The following LMBR1 variants were observed in gnomAD, a reference collection of about 807,000 sequenced individuals.
The protein encoded by LMBR1 is limb region 1 protein homolog.
In LMBR1, 52 loss-of-function variants were observed where a neutral mutation model predicts 73.9. The ratio of observed to expected loss-of-function variants is 0.70; its 90% CI spans 0.56 to 0.89. The LOEUF (loss-of-function observed/expected upper bound fraction) is 0.89. LMBR1 is among the 40% of genes least tolerant of loss of function. LMBR1 has a pLI of 0.00. For synonymous variants in LMBR1, 215 were observed against 209.4 expected (o/e 1.03, Z -0.23); for missense variants, 539 against 579.8 (o/e 0.93, Z 0.72).
intron 9 of LMBR1, chr7:156,736,667 C>T: frequency 4.4e-6 from 2 of 449,480 alleles, no homozygotes; most frequent in South Asian, 3.2e-5. Context: ...TTCACTCCTC[C>T]CTTTCTCTCA....
intron 8 of LMBR1, among the ~76,000 whole-genome samples, chr7:156,757,514 T>C (rs950444660): frequency 6.6e-6 from 1 of 152,240 alleles, no homozygotes; most frequent in African/African-American, 2.4e-5. Flanking sequence ...AATCCTAAAA[T>C]TGATTTAATT....
intron 2 of LMBR1, chr7:156,834,501 G>A: frequency 3.4e-6 from 1 of 295,170 alleles, no homozygotes; most frequent in Non-Finnish European, 6.8e-6. Flanking sequence ...TACTCAGGAG[G>A]CTGAGGTTGG....
intron 5 of LMBR1, among the ~76,000 whole-genome samples, chr7:156,781,818 T>G (rs1170194430): frequency 6.6e-6 from 1 of 152,192 alleles, no homozygotes; most frequent in Non-Finnish European, 1.5e-5. Context: ...TTTTTAAAAT[T>G]GTGGTGAAAT....
At chr7:156,719,896 A>G (rs1448691655) in intron 15 of LMBR1, among the ~76,000 whole-genome samples, 2 of 151,810 alleles carry the variant, frequency 1.3e-5, no homozygotes, top group Non-Finnish European at 1.5e-5. Flanking sequence ...AAAACTGGCT[A>G]GCCATATGTA....
chr7:156,795,229 T>C (rs1312040728), intron 5 of LMBR1, among the ~76,000 whole-genome samples: 3 of 152,184 alleles, frequency 2.0e-5, no homozygotes, highest in African/African-American at 4.8e-5. Context: ...CCTGCTCAGA[T>C]TCCCCAGGAA....
intron 1 of LMBR1, among the ~76,000 whole-genome samples, chr7:156,869,309 T>C (rs1400277262): frequency 6.6e-6 from 1 of 151,348 alleles, no homozygotes; most frequent in Non-Finnish European, 1.5e-5. Flanking sequence ...ACTACAGACG[T>C]GAAGAAGAAA....
chr7:156,744,139 C>A lies in LMBR1; in HGVS notation c.758-9882G>T, dbSNP rs114663012. On this transcript the variant is annotated intron_variant, in intron 9 of 16. Coordinates refer to ENST00000353442, the MANE Select transcript of LMBR1 (RefSeq NM_022458.4). ...CCCAGGCTGGACTCGAACTTCTGGG[C>A]TCGAGCGTATACTCCCACCTCCCGA... is the stretch of plus-strand genomic sequence containing the variant. 9.9e-4 allele frequency among the ~76,000 whole-genome samples: 151 copies of A among 152,212 alleles called. 1 individual carries two copies. Among genetic ancestry groups the A allele is most frequent in the Middle Eastern group, 3.4e-3 (1 of 294 alleles).
chr7:156,675,880 G>A (rs998742278), downstream of LMBR1: 17 of 1,608,178 alleles, frequency 1.1e-5, no homozygotes, highest in Non-Finnish European at 1.4e-5. Flanking sequence ...TTGGCTGGCA[G>A]CCTGGCAACC....
intron 15 of LMBR1, among the ~76,000 whole-genome samples, chr7:156,721,058 G>A (rs574188270): frequency 1.1e-4 from 16 of 152,166 alleles, no homozygotes; most frequent in African/African-American, 3.1e-4. Context: ...GGACCCAAAT[G>A]AGAAATATGT....
chr7:156,676,121 C>CCCT (rs1434259124), downstream of LMBR1: 3 of 876,110 alleles, frequency 3.4e-6, no homozygotes, highest in South Asian at 5.7e-5. Context: ...TCCTCATGGG[C>CCCT]TTTAGGGTGA....
At chr7:156,872,714 T>C (rs573653451) in intron 1 of LMBR1, among the ~76,000 whole-genome samples, 4 of 150,628 alleles carry the variant, frequency 2.7e-5, no homozygotes, top group Admixed American at 6.6e-5. Flanking sequence ...CTGAAAACCA[T>C]AAAACATTGA....
At chr7:156,743,420 A>G (rs1819271592) in intron 9 of LMBR1, among the ~76,000 whole-genome samples, 1 of 152,176 alleles carries the variant, frequency 6.6e-6, no homozygotes, top group Non-Finnish European at 1.5e-5. Context: ...CTATTAGGAC[A>G]CTATATACTG....
At chr7:156,837,513 ACT>A (rs1837879801) in intron 1 of LMBR1, among the ~76,000 whole-genome samples, 2 of 151,994 alleles carry the variant, frequency 1.3e-5, no homozygotes, top group African/African-American at 4.8e-5. Context: ...ACCACTGACA[ACT>A]CTGAAAAATA....
chr7:156,890,154 T>A (rs1031341170), intron 1 of LMBR1, among the ~76,000 whole-genome samples: 3 of 151,952 alleles, frequency 2.0e-5, no homozygotes, highest in Non-Finnish European at 4.4e-5. Flanking sequence ...GAGAAAAAAA[T>A]ATGACTCCTA....
intron 4 of LMBR1, among the ~76,000 whole-genome samples, chr7:156,797,277 T>C (rs1585852972): frequency 6.6e-6 from 1 of 152,164 alleles, no homozygotes; most frequent in Admixed American, 6.5e-5. Flanking sequence ...AGGTATGTCA[T>C]TGGGAGGGTA....
At chr7:156,707,881 AGAG>A (rs1366952817) in intron 15 of LMBR1, among the ~76,000 whole-genome samples, 25 of 152,190 alleles carry the variant, frequency 1.6e-4, no homozygotes, top group Admixed American at 9.2e-4. Context: ...AAATTGGTAA[AGAG>A]GAGGTTAAGT....
chr7:156,844,817 T>C (rs1246823021), intron 1 of LMBR1, among the ~76,000 whole-genome samples: 1 of 152,154 alleles, frequency 6.6e-6, no homozygotes, highest in African/African-American at 2.4e-5. Flanking sequence ...GCAGCATGGC[T>C]TTAGTCCTGA....
intron 5 of LMBR1, among the ~76,000 whole-genome samples, chr7:156,784,359 G>A (rs1563351743): frequency 6.6e-6 from 1 of 152,150 alleles, no homozygotes; most frequent in African/African-American, 2.4e-5. Flanking sequence ...TTAGTGAATA[G>A]ATCTAGAGAG....
chr7:156,855,174 C>T (rs1796770087), intron 1 of LMBR1, among the ~76,000 whole-genome samples: 1 of 151,924 alleles, frequency 6.6e-6, no homozygotes, highest in South Asian at 2.1e-4. Flanking sequence ...AAACAACATT[C>T]AAAAATATGT....
Sources: allele counts gnomAD v4.1 joint callset (sites outside exome capture counted in the v4.1 genomes callset), GRCh38; gene constraint gnomAD v4.1.1; transcripts MANE v1.5; gene names NCBI Gene and HGNC (gene_info 2026-07-23, HGNC 2026-07-21).